The following ENPP1 variants were observed in gnomAD, a reference collection of about 807,000 sequenced individuals.
ENPP1 encodes ectonucleotide pyrophosphatase/phosphodiesterase family member 1.
A neutral mutation model predicts 122.8 loss-of-function variants in ENPP1; 73 were observed. The observed-to-expected ratio is 0.59, with a 90% CI of 0.49 to 0.72. The LOEUF (loss-of-function observed/expected upper bound fraction) is 0.72, where lower values mean the gene tolerates loss of function less well. Among genes scored for constraint, ENPP1 ranks in the 30% least tolerant of loss-of-function variants. The pLI, the probability that ENPP1 is intolerant of heterozygous loss-of-function variation, is 0.00. For synonymous variants in ENPP1, 367 were observed against 391.6 expected, an observed-to-expected ratio of 0.94 and a Z score of 0.74; for missense variants, 978 against 1,128.1, an observed-to-expected ratio of 0.87 and a Z score of 1.91.
Position 131,887,559 on chromosome 6 carries a change from AT to A in ENPP1, c.2607+852del, listed in dbSNP as rs71030768. 7.9e-4 allele frequency among the ~76,000 whole-genome samples: 68 copies of A among 86,318 alleles called. 2 individuals carry two copies. The South Asian group carries it at 0.015, about 19-fold the overall frequency. 56.6% of individuals were successfully genotyped at this position (86,318 alleles called of 152,430 possible). On this transcript the variant is annotated intron_variant, in intron 24 of 24. Coordinates refer to ENST00000647893, the MANE Select transcript of ENPP1 (RefSeq NM_006208.3). ...AGGCGCCCGCCACCACACCCAGCTA[AT>A]TTTTTTTTTTTTTTTTGAGACAGAG... is the stretch of plus-strand genomic sequence containing the variant.
At chr6:131,841,050 T>C (rs1248335092) in intron 1 of ENPP1, among the ~76,000 whole-genome samples, 2 of 152,196 alleles carry the variant, frequency 1.3e-5, no homozygotes, top group African/African-American at 4.8e-5. Flanking sequence ...CAGATAAATC[T>C]AGCGTAACTA....
At chr6:131,865,062 C>T (rs1782072454) in intron 11 of ENPP1, 124 bp downstream of exon 11, 1 of 717,378 alleles carries the variant, frequency 1.4e-6, no homozygotes, top group South Asian at 1.5e-5. Flanking sequence ...AAGTATTATA[C>T]ACAATATTAC....
At chr6:131,864,799 AT>A in intron 10 of ENPP1, 66 bp from the exon 11 acceptor site, 1 of 1,068,836 alleles carries the variant, frequency 9.4e-7, no homozygotes, top group Non-Finnish European at 1.5e-6. Context: ...CAATTGATGA[AT>A]TATTTTTTCC....
In ENPP1 at chr6:131,880,016, C is replaced by T; in HGVS notation, c.2082C>T (p.Ser694=). The T allele has an allele frequency of 6.2e-7, 1 of 1,614,074 alleles. No homozygotes were observed. Among genetic ancestry groups the T allele is most frequent in the South Asian group, 1.1e-5 (1 of 91,084 alleles). ...SQDILMPLWT[S]YTVDRNDSFS... is the part of the protein sequence containing the mutation. Reference sequence around the variant, plus strand: ...ACATCTTAATGCCCCTTTGGACATCCTATACCGTGGACAGAAATGCAAGTA... The same window carrying T: ...ACATCTTAATGCCCCTTTGGACATCTTATACCGTGGACAGAAATGCAAGTA... The change falls in exon 20 of 25, where the codon TCC becomes TCT. Residue 694 remains serine (S), a synonymous_variant. Coordinates refer to ENST00000647893, the MANE Select transcript of ENPP1 (RefSeq NM_006208.3).
At chr6:131,844,514 CCTCT>C (rs1380186795) in intron 1 of ENPP1, among the ~76,000 whole-genome samples, 1 of 149,544 alleles carries the variant, frequency 6.7e-6, no homozygotes, top group Non-Finnish European at 1.5e-5. Flanking sequence ...TGTTGCTTTG[CCTCT>C]CAGAGGTAAA....
intron 1 of ENPP1, 110 bp downstream of exon 1, chr6:131,808,385 T>TGGTC: frequency 1.5e-6 from 2 of 1,319,180 alleles, no homozygotes; most frequent in Non-Finnish European, 2.0e-6. Context: ...GAGAGAGGCA[T>TGGTC]GGTCCGGGAG....
At chr6:131,813,493 A>G (rs974536306) in intron 1 of ENPP1, among the ~76,000 whole-genome samples, 11 of 151,472 alleles carry the variant, frequency 7.3e-5, no homozygotes, top group Non-Finnish European at 1.6e-4. Flanking sequence ...TTGCACCATT[A>G]CACTCCAGCC....
At chr6:131,822,336 C>A (rs1471017430) in intron 1 of ENPP1, among the ~76,000 whole-genome samples, 1 of 152,034 alleles carries the variant, frequency 6.6e-6, no homozygotes, top group East Asian at 1.9e-4. Context: ...GCTATGTGAC[C>A]TTTGAACAAT....
At chr6:131,847,940 ATCT>A in intron 2 of ENPP1, 92 bp downstream of exon 2, 1 of 979,198 alleles carries the variant, frequency 1.0e-6, no homozygotes, top group Non-Finnish European at 1.6e-6. Context: ...GGTAAACATT[ATCT>A]CCTATTCCTA....
chr6:131,834,729 TTTCACCATTTTAGTAGAGAC>T (rs1781653964), intron 1 of ENPP1, among the ~76,000 whole-genome samples: 1 of 130,426 alleles, frequency 7.7e-6, no homozygotes, highest in East Asian at 2.8e-4. Flanking sequence ...AGAGACGGGG[TTTCACCATTTTAGTAGAGAC>T]GGGGTTTCAC....
chr6:131,818,401 C>T (rs754079514), intron 1 of ENPP1, among the ~76,000 whole-genome samples: 27 of 152,120 alleles, frequency 1.8e-4, no homozygotes, highest in East Asian at 1.4e-3. Flanking sequence ...AATCCTTGCA[C>T]TTTGGGAGGC....
intron 1 of ENPP1, chr6:131,827,995 G>T: frequency 1.4e-6 from 1 of 708,944 alleles, no homozygotes. Flanking sequence ...ACCTGGGGTA[G>T]TGAAGCCATA....
chr6:131,868,381 A>C (rs1480796148), intron 12 of ENPP1, among the ~76,000 whole-genome samples: 3 of 152,214 alleles, frequency 2.0e-5, no homozygotes, highest in Non-Finnish European at 4.4e-5. Flanking sequence ...TCAACATTAA[A>C]TTTGTGTAAC....
chr6:131,864,868 C>T lies in ENPP1; in HGVS notation c.1094C>T (p.Pro365Leu). 2 of 1,590,790 alleles carry T rather than the reference C, an allele frequency of 1.3e-6. No homozygotes were observed. Among genetic ancestry groups the T allele is most frequent in the Non-Finnish European group, 1.7e-6 (2 of 1,159,162 alleles). Reference sequence around the variant, plus strand: ...CATTTTGATACTGTTTGATTTAGACCACACTTTTACACTCTGTATTTAGAA... The same window carrying T: ...CATTTTGATACTGTTTGATTTAGACTACACTTTTACACTCTGTATTTAGAA... ...QWLQLPKDER[P>L]HFYTLYLEEP... The change falls in exon 11 of 25, where the codon CCA becomes CTA. Residue 365 changes from proline to leucine, a missense_variant and splice_region_variant. By Grantham distance (98) the Pro-to-Leu change is moderately conservative. Coordinates refer to ENST00000647893, the MANE Select transcript of ENPP1 (RefSeq NM_006208.3).
In ENPP1 at chr6:131,864,519, G is replaced by A. The variant is rs1465789672; in HGVS notation, c.1039G>A (p.Glu347Lys). Residue 347 changes from glutamate to lysine, a missense_variant, in exon 10 of 25, where the codon GAA (glutamate) becomes AAA (lysine). Around this residue, in one of 3 missense-constraint regions of ENPP1, gnomAD observed 644 missense variants for 781.5 expected, o/e 0.82. Transcript: ENST00000647893. Reference sequence around the variant, plus strand: ...TCTTCATTTTAGTTCAGTACCATTTGAAGAAAGGATTTTAGCTGTTCTTCA... The same window carrying A: ...TCTTCATTTTAGTTCAGTACCATTTAAAGAAAGGATTTTAGCTGTTCTTCA... ...YKMYNGSVPF[E>K]ERILAVLQWL... The A allele has an allele frequency of 1.9e-6, 3 of 1,608,286 alleles. No homozygotes were observed. The highest frequency in any genetic ancestry group is 3.3e-5 in the Admixed American group (2 of 59,986).
intron 1 of ENPP1, among the ~76,000 whole-genome samples, chr6:131,838,567 C>T (rs1302772730): frequency 6.6e-6 from 1 of 150,672 alleles, no homozygotes. Context: ...AAGCTATAAT[C>T]TAAGCATCCA....
chr6:131,808,854 C>T (rs1781315033), intron 1 of ENPP1, among the ~76,000 whole-genome samples: 2 of 152,126 alleles, frequency 1.3e-5, no homozygotes, highest in South Asian at 4.1e-4. Context: ...TGATTCTTTG[C>T]CCACTCTTCT....
At chr6:131,826,137 ATGAGTAAGG>A in intron 1 of ENPP1, 2 of 842,632 alleles carry the variant, frequency 2.4e-6, no homozygotes, top group Non-Finnish European at 4.2e-6. Context: ...TGAACTCCAG[ATGAGTAAGG>A]TTTGACAGCT....
At chr6:131,809,546 T>C (rs1468657717) in intron 1 of ENPP1, among the ~76,000 whole-genome samples, 1 of 152,208 alleles carries the variant, frequency 6.6e-6, no homozygotes, top group Non-Finnish European at 1.5e-5. Context: ...TAACACAATA[T>C]TGATGAGAAC....
Sources: allele counts gnomAD v4.1 joint callset (sites outside exome capture counted in the v4.1 genomes callset), GRCh38; gene constraint gnomAD v4.1.1; regional missense constraint gnomAD v4.1.1; transcripts MANE v1.5; gene names NCBI Gene and HGNC (gene_info 2026-07-23, HGNC 2026-07-21).